The following ESR1 variants were observed in gnomAD, a reference collection of about 807,000 sequenced individuals.
ESR1 encodes the protein estrogen receptor.
A neutral mutation model predicts 52.7 loss-of-function variants in ESR1; 12 were observed. The observed-to-expected ratio is 0.23, with a 90% CI of 0.15 to 0.37. The LOEUF (loss-of-function observed/expected upper bound fraction) is 0.37. ESR1 is among the 10% of genes least tolerant of loss of function. The pLI is 1.00. For synonymous variants in ESR1, 305 were observed against 316.8 expected (o/e 0.96, Z 0.39); for missense variants, 584 against 779.7 (o/e 0.75, Z 2.99).
At chr6:151,936,760 G>A (rs2034412064) in intron 3 of ESR1, among the ~76,000 whole-genome samples, 1 of 152,190 alleles carries the variant, frequency 6.6e-6, no homozygotes, top group Non-Finnish European at 1.5e-5. Flanking sequence ...ATTGGGGTGA[G>A]CCTTCTGATT....
intron 4 of ESR1, among the ~76,000 whole-genome samples, chr6:151,975,432 A>C (rs757730342): frequency 1.3e-5 from 2 of 152,120 alleles, no homozygotes; most frequent in Non-Finnish European, 2.9e-5. Context: ...AAACAGAACC[A>C]GTAGGATCAA....
chr6:152,093,354 T>TTC (rs1159067209), intron 6 of ESR1, among the ~76,000 whole-genome samples: 1 of 84,324 alleles, frequency 1.2e-5, no homozygotes, highest in South Asian at 5.1e-4. Flanking sequence ...CTCTCTCTCT[T>TTC]TCTCTCTCTC....
chr6:151,908,615 G>A (rs1227450154), intron 3 of ESR1, among the ~76,000 whole-genome samples: 2 of 152,062 alleles, frequency 1.3e-5, no homozygotes, highest in African/African-American at 2.4e-5. Flanking sequence ...GTGGATAATT[G>A]GTGTGCATTC....
At chr6:151,774,929 T>A (rs866236105) in intron 2 of ESR1, among the ~76,000 whole-genome samples, 3 of 152,252 alleles carry the variant, frequency 2.0e-5, no homozygotes, top group South Asian at 2.1e-4. Context: ...TTTGTCAGAT[T>A]TCACTTTTAA....
At chr6:152,107,368 G>T (rs561940010), downstream of ESR1, among the ~76,000 whole-genome samples, 21 of 151,716 alleles carry the variant, frequency 1.4e-4, no homozygotes, top group South Asian at 4.4e-3. Flanking sequence ...TTTTTCTTCT[G>T]CCTTCTTGAA....
chr6:151,759,094 G>A (rs144603408), intron 2 of ESR1, among the ~76,000 whole-genome samples: 1 of 151,564 alleles, frequency 6.6e-6, no homozygotes, highest in African/African-American at 2.4e-5. Context: ...GGCCAACATG[G>A]TGACACTCTG....
chr6:151,840,684 A>C (rs1465563991), intron 1 of ESR1, among the ~76,000 whole-genome samples: 10 of 152,146 alleles, frequency 6.6e-5, no homozygotes, highest in Admixed American at 6.6e-5. Context: ...TTGGGTGGGG[A>C]CTGGAAGCAG....
intron 2 of ESR1, among the ~76,000 whole-genome samples, chr6:151,852,500 T>C (rs1786953871): frequency 6.6e-6 from 1 of 152,184 alleles, no homozygotes; most frequent in Non-Finnish European, 1.5e-5. Context: ...AAATTAGTCC[T>C]ACAGGGCCAA....
At chr6:151,825,907 T>C (rs1781395356) in intron 1 of ESR1, among the ~76,000 whole-genome samples, 1 of 79,386 alleles carries the variant, frequency 1.3e-5, no homozygotes, top group South Asian at 5.9e-4. Context: ...CAAGACTCCA[T>C]CTCAAAAAAA....
At chr6:152,003,059 A>T (rs2042078733) in intron 4 of ESR1, among the ~76,000 whole-genome samples, 1 of 151,990 alleles carries the variant, frequency 6.6e-6, no homozygotes, top group Admixed American at 6.6e-5. Context: ...AACTCTTCTC[A>T]AATGCTTATT....
chr6:151,704,956 AAACTTCAGGATCTAAGCCCTCTATAT>A (rs1780074960), intron 2 of ESR1, among the ~76,000 whole-genome samples: 1 of 150,566 alleles, frequency 6.6e-6, no homozygotes, highest in Non-Finnish European at 1.5e-5. Context: ...TTTCCTTCAG[AAACTTCAGGATCTAAGCCCTCTATAT>A]AGGAGCAGTA....
intron 2 of ESR1, among the ~76,000 whole-genome samples, chr6:151,846,155 T>A (rs1303654886): frequency 6.6e-6 from 1 of 152,156 alleles, no homozygotes. Context: ...GCCATGTGAA[T>A]GAGTCCATGA....
chr6:151,963,194 A>G (rs954632113), intron 4 of ESR1, among the ~76,000 whole-genome samples: 2 of 152,122 alleles, frequency 1.3e-5, no homozygotes, highest in Non-Finnish European at 2.9e-5. Flanking sequence ...AAAAATGTTA[A>G]TTGGAGCCCT....
chr6:151,803,940 A>T (rs1361969302), upstream of ESR1, among the ~76,000 whole-genome samples: 1 of 152,158 alleles, frequency 6.6e-6, no homozygotes, highest in East Asian at 1.9e-4. Context: ...TGCAATGCCC[A>T]GCAGACCGCT....
chr6:152,070,330 C>A lies in ESR1; in HGVS notation c.1369+9206C>A, dbSNP rs191480441. Among the ~76,000 whole-genome samples the A allele has an allele frequency of 9.2e-4, 127 of 137,402 alleles. 28 individuals are homozygous for A. The highest frequency in any genetic ancestry group is 3.8e-3 in the African/African-American group (118 of 30,876). The allele number at this position is 137,402 out of a possible 152,430, so 90.1% of individuals were successfully genotyped here. On this transcript the variant is annotated intron_variant, in intron 6 of 7. Transcript: ENST00000206249. ...GCCCTCCCTCTGTCCTTGTTCCCAG[C>A]ATACTAAACTATAGTCTAAAAGACT...
chr6:151,857,489 CCACCCACA>C (rs979828450), intron 2 of ESR1, among the ~76,000 whole-genome samples: 2 of 145,648 alleles, frequency 1.4e-5, no homozygotes, highest in Non-Finnish European at 3.0e-5. Context: ...ACACACCCAC[CCACCCACA>C]CACACACACA....
chr6:152,094,755 C>G lies in ESR1; in HGVS notation c.1553+187C>G, dbSNP rs1233412512. Reference sequence around the variant, plus strand: ...AGAGGTTTTAAATCTGCGAGGGTCACAGGGCAAGTGTCAGAGAAGGCATAG... The same window carrying G: ...AGAGGTTTTAAATCTGCGAGGGTCAGAGGGCAAGTGTCAGAGAAGGCATAG... On this transcript the variant is annotated intron_variant, in intron 7 of 7. Coordinates refer to ENST00000206249, the MANE Select transcript of ESR1 (RefSeq NM_000125.4). This position sits in a 1 kb window ranked among gnomAD's most constrained non-coding sequence, Gnocchi z 4.6. Among the ~76,000 whole-genome samples, 1 of 152,156 alleles carries G rather than the reference C, an allele frequency of 6.6e-6. No homozygotes were observed. Among genetic ancestry groups the G allele is most frequent in the East Asian group, 1.9e-4 (1 of 5,190 alleles).
At chr6:151,685,971 G>A (rs949924303), upstream of ESR1, among the ~76,000 whole-genome samples, 21 of 151,804 alleles carry the variant, frequency 1.4e-4, no homozygotes, top group Admixed American at 1.2e-3. Context: ...CGGCACGAAC[G>A]TGGCTCACTG....
At chr6:152,046,243 G>C (rs142367033) in intron 5 of ESR1, among the ~76,000 whole-genome samples, 1 of 152,112 alleles carries the variant, frequency 6.6e-6, no homozygotes, top group Non-Finnish European at 1.5e-5. Context: ...ATGGAATTCC[G>C]GAAAGGTTAG....
Sources: allele counts gnomAD v4.1 joint callset (sites outside exome capture counted in the v4.1 genomes callset), GRCh38; gene constraint gnomAD v4.1.1; non-coding constraint Gnocchi (gnomAD v3.1); transcripts MANE v1.5; gene names NCBI Gene and HGNC (gene_info 2026-07-23, HGNC 2026-07-21).